SHC1: variants seen among roughly 807,000 people sequenced by gnomAD.
SHC1 encodes the protein SHC-transforming protein 1.
Under a neutral mutation model 55.9 loss-of-function variants are expected in SHC1, and 30 were observed. That is an observed-to-expected ratio of 0.54 (90% CI 0.40 to 0.73). The LOEUF (loss-of-function observed/expected upper bound fraction) is 0.73, where lower values mean the gene tolerates loss of function less well. Ranked by LOEUF, SHC1 falls within the 30% of genes least tolerant of loss-of-function variation. The pLI, the probability that SHC1 is intolerant of heterozygous loss-of-function variation, is 0.00. For synonymous variants in SHC1, 309 were observed against 306.1 expected (o/e 1.01, Z -0.10); for missense variants, 675 against 777.1 (o/e 0.87, Z 1.56).
At chr1:154,971,495 C>T (rs1472295472), upstream of SHC1, among the ~76,000 whole-genome samples, 2 of 152,198 alleles carry the variant, frequency 1.3e-5, no homozygotes, top group African/African-American at 2.4e-5. Context: ...ACACCAAGAC[C>T]GATGGCTCAT....
At chr1:154,967,637 C>T in intron 7 of SHC1, 34 bp downstream of exon 7, 2 of 1,607,742 alleles carry the variant, frequency 1.2e-6, no homozygotes, top group Non-Finnish European at 1.7e-6. Flanking sequence ...AATCCTAATC[C>T]AAGAGCTGCT....
At position 154,967,759 on chromosome 1, in the gene SHC1, C is replaced by G. The variant is rs761928735; in HGVS notation, c.895G>C (p.Asp299His). Residue 299 changes from aspartate (D) to histidine (H), a missense_variant, in exon 7 of 12, where the codon GAT becomes CAT. By Grantham distance (81) the Asp-to-His change is moderately conservative. Around this residue, in one of 3 missense-constraint regions of SHC1, gnomAD observed 159 missense variants for 246.9 expected, o/e 0.64. Coordinates refer to ENST00000448116, the MANE Select transcript of SHC1 (RefSeq NM_001130040.2). The part of the protein sequence containing the change: ...ILECPEGLAQ[D>H]VISTIGQAFE... Reference sequence around the variant, plus strand: ...GCCTGGCCAATGGTGCTGATGACATCCTGGGCAAGCCCTTCGGGACACTCC... The same window carrying G: ...GCCTGGCCAATGGTGCTGATGACATGCTGGGCAAGCCCTTCGGGACACTCC... 6.1e-5 allele frequency: 99 copies of G among 1,614,010 alleles called. No homozygotes were observed. The highest frequency in any genetic ancestry group is 3.8e-4 in the Admixed American group (23 of 59,994).
chr1:154,968,868 G>A (rs765567532), intron 2 of SHC1, 34 bp from the exon 3 acceptor site: 2 of 1,593,026 alleles, frequency 1.3e-6, no homozygotes, highest in East Asian at 2.2e-5. Flanking sequence ...CCCAGCGCCT[G>A]CCTGCCTGCC....
intron 7 of SHC1, among the ~76,000 whole-genome samples, chr1:154,967,025 C>T (rs1486338664): frequency 6.6e-6 from 1 of 152,210 alleles, no homozygotes; most frequent in Non-Finnish European, 1.5e-5. Context: ...GGGAGGATCA[C>T]TCAAGCCCAG....
chr1:154,966,361 A>G lies in SHC1; in HGVS notation c.1140T>C (p.Thr380=), dbSNP rs750776129. The change falls in exon 8 of 12, where the codon ACT becomes ACC. Residue 380 remains threonine, a synonymous_variant. Coordinates refer to ENST00000448116, the MANE Select transcript of SHC1 (RefSeq NM_001130040.2). ...GGCTGGGGGTCTGGGCATTGGGTGC[A>G]GTGGGTCGAGCAGCCCCTGGAGCGG... ...EGAAPGAARP[T]APNAQTPSHL... 6 of 1,614,142 alleles carry G rather than the reference A, an allele frequency of 3.7e-6. No individual in the cohort carries two copies. The highest frequency in any genetic ancestry group is 5.1e-6 in the Non-Finnish European group (6 of 1,180,006).
upstream of SHC1, among the ~76,000 whole-genome samples, chr1:154,971,048 AGGCCAAAGGG>A (rs1656701517): frequency 6.6e-6 from 1 of 152,096 alleles, no homozygotes; most frequent in Non-Finnish European, 1.5e-5. Flanking sequence ...GGACACACGC[AGGCCAAAGGG>A]GGCAGGAAGC....
intron 11 of SHC1, 123 bp from the exon 12 acceptor site, chr1:154,964,054 G>A: frequency 2.0e-6 from 2 of 985,976 alleles, no homozygotes; most frequent in Non-Finnish European, 3.3e-6. Flanking sequence ...TGGTGGGGGA[G>A]AGTGTGGCCT....
At position 154,970,364 on chromosome 1, in the gene SHC1, G is replaced by C. The variant is rs1484525566; in HGVS notation, c.163C>G (p.Pro55Ala). The C allele has an allele frequency of 6.2e-7, 1 of 1,605,524 alleles. No homozygotes were observed. Among genetic ancestry groups the C allele is most frequent in the African/African-American group, 1.3e-5 (1 of 74,770 alleles). The change falls in exon 1 of 12, where the codon CCC becomes GCC. Residue 55 changes from proline to alanine, a missense_variant. By Grantham distance (27) the Pro-to-Ala change is conservative. Around this residue, in one of 3 missense-constraint regions of SHC1, gnomAD observed 156 missense variants for 159.1 expected, o/e 0.98. Transcript: ENST00000448116. The surrounding 1 kb of genome is among the most constrained non-coding windows in gnomAD (Gnocchi z 5.5). The part of the protein sequence containing the change: ...ILPPLPGDDS[P>A]TTLCSFFPRM... Reference sequence around the variant, plus strand: ...GGGAAGAAGGAGCACAGGGTAGTGGGACTATCGTCCCCAGGCAGAGGAGGC... The same window carrying C: ...GGGAAGAAGGAGCACAGGGTAGTGGCACTATCGTCCCCAGGCAGAGGAGGC...
intron 7 of SHC1, 101 bp from the exon 8 acceptor site, chr1:154,966,618 G>C: frequency 1.3e-6 from 1 of 779,888 alleles, no homozygotes; most frequent in Non-Finnish European, 2.0e-6. Context: ...ATTTACTATG[G>C]ATTAAGCCTG....
intron 11 of SHC1, chr1:154,964,320 G>C (rs1361658775): frequency 2.1e-6 from 1 of 467,962 alleles, no homozygotes; most frequent in Admixed American, 2.3e-5. Flanking sequence ...CGGATCACTT[G>C]AGCCCGGGAG....
rs755629492 is a variant in SHC1, at chr1:154,963,927, C to T, written c.1631G>A (p.Arg544Gln). The change falls in exon 12 of 12, where the codon CGG becomes CAG. Residue 544 changes from arginine to glutamine, a missense_variant. Physicochemically the swap from Arg to Gln is conservative, Grantham distance 43 (BLOSUM62 1). This residue lies in a region of SHC1 where 360 missense variants were observed against 371.1 expected (regional missense o/e 0.97). Transcript: ENST00000448116. ...ACTTTCAAAGCGGTGATCCTTAGTC[C>T]GAACCTGGGAGGGTGGGAAGGAAGA... is the stretch of plus-strand genomic sequence containing the variant. ...LLLVDPEGVV[R>Q]TKDHRFESVS... The T allele has an allele frequency of 5.6e-6, 9 of 1,613,974 alleles. No homozygotes were observed. Among genetic ancestry groups the T allele is most frequent in the Middle Eastern group, 1.6e-4 (1 of 6,062 alleles).
Position 154,970,344 on chromosome 1 carries a change from G to A in SHC1, c.183C>T (p.Phe61=). ...GCCTCAGGTTGCTCATCCGGGGGAA[G>A]AAGGAGCACAGGGTAGTGGGACTAT... The part of the protein sequence containing the change: ...GDDSPTTLCS[F]FPRMSNLRLA... Residue 61 remains phenylalanine, a synonymous_variant, in exon 1 of 12, where the codon TTC becomes TTT. Transcript: ENST00000448116. This position sits in a 1 kb window ranked among gnomAD's most constrained non-coding sequence, Gnocchi z 5.5. The A allele has an allele frequency of 1.2e-6, 2 of 1,606,624 alleles. No homozygotes were observed. Among genetic ancestry groups the A allele is most frequent in the Non-Finnish European group, 1.7e-6 (2 of 1,176,152 alleles).
chr1:154,968,984 AAT>A lies in SHC1; in HGVS notation c.567-152_567-151del, dbSNP rs1656387367. On this transcript the variant is annotated intron_variant, in intron 2 of 11. Coordinates refer to ENST00000448116, the MANE Select transcript of SHC1 (RefSeq NM_001130040.2). ...ATGGTGGATTGAATTAAGGGCCTTT[AAT>A]ATTTGATGACACTGAGAGGCCACTT... The A allele has an allele frequency of 5.7e-6, 4 of 706,474 alleles. No individual in the cohort carries two copies. In the African/African-American group the frequency reaches 7.1e-5, roughly 13 times the overall value. The allele number at this position is 706,474 out of a possible 1,614,324, so 43.8% of individuals were successfully genotyped here.
intron 3 of SHC1, 57 bp from the exon 4 acceptor site, chr1:154,968,671 C>CTT: frequency 6.2e-7 from 1 of 1,612,080 alleles, no homozygotes; most frequent in African/African-American, 1.3e-5. Flanking sequence ...GCAAACCACA[C>CTT]TTTTGCCTCC....
At chr1:154,968,863 C>T (rs370228188) in intron 2 of SHC1, 29 bp from the exon 3 acceptor site, 38 of 1,603,404 alleles carry the variant, frequency 2.4e-5, no homozygotes, top group African/African-American at 8.0e-5. Context: ...TCAGACCCAG[C>T]GCCTGCCTGC....
intron 2 of SHC1, 117 bp downstream of exon 2, chr1:154,969,261 C>T (rs749777935): frequency 1.6e-5 from 12 of 727,278 alleles, no homozygotes; most frequent in Admixed American, 1.5e-4. Context: ...TCTCAATCCC[C>T]TTTACTACGC....
At chr1:154,969,910 A>G in intron 1 of SHC1, 122 bp downstream of exon 1, 2 of 1,109,964 alleles carry the variant, frequency 1.8e-6, no homozygotes, top group Non-Finnish European at 2.7e-6. Flanking sequence ...AGGTTTAGGA[A>G]ATAGGACACT....
chr1:154,973,735 C>T (rs1392592045), upstream of SHC1, among the ~76,000 whole-genome samples: 1 of 152,046 alleles, frequency 6.6e-6, no homozygotes, highest in Admixed American at 6.6e-5. Flanking sequence ...TGACCCAGGT[C>T]CCACAAAGAT....
chr1:154,971,483 C>T (rs1571457374), upstream of SHC1, among the ~76,000 whole-genome samples: 1 of 152,316 alleles, frequency 6.6e-6, no homozygotes, highest in East Asian at 1.9e-4. Flanking sequence ...ATGCCATCTA[C>T]CACACCAAGA....
Sources: gnomAD v4.1 joint callset for allele counts (sites outside exome capture counted in the v4.1 genomes callset) on GRCh38, gnomAD v4.1.1 for gene constraint, gnomAD v4.1.1 regional missense constraint, Gnocchi (gnomAD v3.1) non-coding constraint, MANE v1.5 for transcripts, NCBI Gene and HGNC (gene_info 2026-07-23, HGNC 2026-07-21) for gene names.